Variants in CLIP2 observed in about 807,000 individuals in gnomAD.
The protein encoded by CLIP2 is CAP-Gly domain containing linker protein 2, also known as CAP-Gly domain-containing linker protein 2.
A neutral mutation model predicts 111.7 loss-of-function variants in CLIP2; 41 were observed. The ratio of observed to expected loss-of-function variants is 0.37; its 90% CI spans 0.29 to 0.48. The LOEUF is 0.48. CLIP2 is among the 20% of genes least tolerant of loss of function. CLIP2 has a pLI of 0.99. For synonymous variants in CLIP2, 660 were observed against 644.2 expected, an observed-to-expected ratio of 1.02 and a Z score of -0.37; for missense variants, 1,160 against 1,422.1, an observed-to-expected ratio of 0.82 and a Z score of 2.96.
At chr7:74,388,176 A>C (rs1171884333) in intron 12 of CLIP2, among the ~76,000 whole-genome samples, 1 of 152,054 alleles carries the variant, frequency 6.6e-6, no homozygotes, top group Non-Finnish European at 1.5e-5. Context: ...CTAAAAATAC[A>C]AAAAAATTAG....
At chr7:74,386,357 T>G in intron 11 of CLIP2, 164 bp from the exon 12 acceptor site, 1 of 560,012 alleles carries the variant, frequency 1.8e-6, no homozygotes, top group Non-Finnish European at 3.1e-6. Flanking sequence ...GGTCCTCTTC[T>G]TCAGGAGGGG....
chr7:74,314,508 A>G (rs1788718162), intron 1 of CLIP2, among the ~76,000 whole-genome samples: 1 of 152,134 alleles, frequency 6.6e-6, no homozygotes, highest in African/African-American at 2.4e-5. Flanking sequence ...AATAATAATA[A>G]CAAAATGAGT....
intron 1 of CLIP2, among the ~76,000 whole-genome samples, chr7:74,291,884 C>G (rs542936806): frequency 8.5e-5 from 13 of 152,198 alleles, no homozygotes; most frequent in Admixed American, 8.5e-4. Flanking sequence ...TCTTGGCCTC[C>G]CCTCCTGGCC....
In CLIP2 at chr7:74,338,822, G is replaced by A. The variant is rs1368271230; in HGVS notation, c.496G>A (p.Ala166Thr). The stretch of plus-strand genomic sequence containing the variant: ...TGCCCACTCCGTGGAGTCGCTGACT[G>A]CCCAGAACCTGTCATTGCATTCGGG... The part of the protein sequence containing the change: ...SDAHSVESLT[A>T]QNLSLHSGTA... The change falls in exon 3 of 17, where the codon GCC (alanine) becomes ACC (threonine). Residue 166 changes from alanine (A) to threonine (T), a missense_variant. Physicochemically the swap from Ala to Thr is moderately conservative, Grantham distance 58 (BLOSUM62 0). Coordinates refer to ENST00000223398, the MANE Select transcript of CLIP2 (RefSeq NM_003388.5). This position sits in a 1 kb window ranked among gnomAD's most constrained non-coding sequence, Gnocchi z 4.3. The A allele has an allele frequency of 9.3e-6, 15 of 1,611,108 alleles. No homozygotes were observed. The highest frequency in any genetic ancestry group is 8.9e-5 in the East Asian group (4 of 44,880).
chr7:74,300,751 C>T (rs781824195), intron 1 of CLIP2, among the ~76,000 whole-genome samples: 14 of 152,186 alleles, frequency 9.2e-5, no homozygotes, highest in South Asian at 4.1e-4. Context: ...CCACCGTGCC[C>T]GGCCTGATTT....
chr7:74,306,081 TG>T lies in CLIP2; in HGVS notation c.-67-11397del, dbSNP rs1294432888. Among the ~76,000 whole-genome samples, 3 of 152,178 alleles carry T rather than the reference TG, an allele frequency of 2.0e-5. No homozygotes were observed. The South Asian group carries it at 6.2e-4, about 32-fold the overall frequency. ...CCCCACCAGATCCTTGGGTGTTGGG[TG>T]GACCTGGCAGAGTGTGGTCAGTTTC... On this transcript the variant is annotated intron_variant, in intron 1 of 16. Transcript: ENST00000223398.
At position 74,338,779 on chromosome 7, in the gene CLIP2, C is replaced by T. The variant is rs782148023; in HGVS notation, c.453C>T (p.Ala151=). The part of the protein sequence containing the change: ...RPSKLTRQPT[A]EGSGSDAHSV... ...CCAAGCTGACCCGGCAGCCCACGGC[C>T]GAGGGCTCGGGGAGTGATGCCCACT... is the stretch of plus-strand genomic sequence containing the variant. Residue 151 remains alanine (A), a synonymous_variant, in exon 3 of 17, where the codon GCC becomes GCT. Transcript: ENST00000223398. The surrounding 1 kb of genome is among the most constrained non-coding windows in gnomAD (Gnocchi z 4.3). 24 of 1,609,714 alleles carry T rather than the reference C, an allele frequency of 1.5e-5. No homozygotes were observed. Among genetic ancestry groups the T allele is most frequent in the Admixed American group, 1.7e-5 (1 of 59,782 alleles).
intron 1 of CLIP2, among the ~76,000 whole-genome samples, chr7:74,303,431 G>A (rs1351344005): frequency 2.0e-5 from 3 of 152,024 alleles, no homozygotes; most frequent in Non-Finnish European, 4.4e-5. Flanking sequence ...GGGGTGCTGG[G>A]TAGGGCTTGG....
At chr7:74,389,367 T>A in intron 13 of CLIP2, 108 bp downstream of exon 13, 1 of 1,211,890 alleles carries the variant, frequency 8.3e-7, no homozygotes, top group Non-Finnish European at 1.1e-6. Context: ...ATAGAGCTGG[T>A]GGGCCAGGTG....
intron 2 of CLIP2, among the ~76,000 whole-genome samples, chr7:74,328,090 G>A (rs958243431): frequency 1.3e-5 from 2 of 152,128 alleles, no homozygotes; most frequent in Admixed American, 6.6e-5. Flanking sequence ...CTGGGCCTGG[G>A]GTGACCACAG....
intron 2 of CLIP2, among the ~76,000 whole-genome samples, chr7:74,327,691 G>A (rs188048279): frequency 6.6e-5 from 10 of 152,320 alleles, no homozygotes; most frequent in Admixed American, 6.5e-4. Flanking sequence ...GCATCAGGAC[G>A]GGGAAGCCAA....
chr7:74,305,865 A>ACC (rs1788472143), intron 1 of CLIP2, among the ~76,000 whole-genome samples: 1 of 75,054 alleles, frequency 1.3e-5, no homozygotes, highest in South Asian at 4.7e-4. Context: ...ACCCCCCCCC[A>ACC]CCGCCCCTGC....
Position 74,313,552 on chromosome 7 carries a change from TC to T in CLIP2, c.-67-3926del, listed in dbSNP as rs558634079. ...TCCAGCCTGGGCGACAGAGTGAGAC[TC>T]CATCTCAAAAAAAAAAAAAAATGAA... On this transcript the variant is annotated intron_variant, in intron 1 of 16. Coordinates refer to ENST00000223398, the MANE Select transcript of CLIP2 (RefSeq NM_003388.5). Among the ~76,000 whole-genome samples the T allele has an allele frequency of 2.4e-3, 350 of 145,292 alleles. 8 individuals are homozygous for T. The highest frequency in any genetic ancestry group is 0.022 in the Admixed American group (312 of 14,442).
At chr7:74,332,033 G>A (rs558505982) in intron 2 of CLIP2, among the ~76,000 whole-genome samples, 248 of 152,176 alleles carry the variant, frequency 1.6e-3, no homozygotes, top group Middle Eastern at 0.01. Flanking sequence ...TGTAGATCGG[G>A]GTCCCCTGCT....
intron 1 of CLIP2, among the ~76,000 whole-genome samples, chr7:74,299,664 G>A (rs1218628622): frequency 6.6e-6 from 1 of 151,706 alleles, no homozygotes; most frequent in African/African-American, 2.4e-5. Flanking sequence ...GTGGGAGTGA[G>A]AGCACCCTGG....
intron 8 of CLIP2, among the ~76,000 whole-genome samples, chr7:74,368,081 T>C (rs2116634511): frequency 6.6e-6 from 1 of 152,038 alleles, no homozygotes; most frequent in Admixed American, 6.6e-5. Context: ...GGTATGGTAA[T>C]GCATGCCTAT....
In CLIP2 at chr7:74,372,912, GT is replaced by G; in HGVS notation, c.1381-19del. Reference sequence around the variant, plus strand: ...GTCCCCGCCCCCACCCCCCCACCGTGTCCACCCTGGGTGGACCAGACCCAGA... The same window carrying G: ...GTCCCCGCCCCCACCCCCCCACCGTGCCACCCTGGGTGGACCAGACCCAGA... On this transcript the variant is annotated intron_variant, in intron 8 of 16. Transcript: ENST00000223398. 1.6e-6 allele frequency: 1 copy of G among 622,466 alleles called. No individual in the cohort carries two copies. The highest frequency in any genetic ancestry group is 2.3e-6 in the Non-Finnish European group (1 of 443,816). The allele number at this position is 622,466 out of a possible 1,614,324, so 38.6% of individuals were successfully genotyped here.
intron 1 of CLIP2, among the ~76,000 whole-genome samples, chr7:74,312,049 C>A (rs544013960): frequency 6.6e-6 from 1 of 151,978 alleles, no homozygotes; most frequent in South Asian, 2.1e-4. Context: ...AGTTCAAGAC[C>A]AGCCTGGCCA....
intron 3 of CLIP2, among the ~76,000 whole-genome samples, chr7:74,343,886 G>C (rs929634169): frequency 6.6e-6 from 1 of 152,034 alleles, no homozygotes; most frequent in Non-Finnish European, 1.5e-5. Flanking sequence ...CAGGGTGACA[G>C]AGTGAGACGC....
Sources: allele counts gnomAD v4.1 joint callset (sites outside exome capture counted in the v4.1 genomes callset), GRCh38; gene constraint gnomAD v4.1.1; non-coding constraint Gnocchi (gnomAD v3.1); transcripts MANE v1.5; gene names NCBI Gene and HGNC (gene_info 2026-07-23, HGNC 2026-07-21).